C1QTNF4: variants seen among roughly 807,000 people sequenced by gnomAD.
C1QTNF4 encodes C1q and TNF related 4, also known as complement C1q tumor necrosis factor-related protein 4.
Under a neutral mutation model 14.6 loss-of-function variants are expected in C1QTNF4, and 12 were observed. That is an observed-to-expected ratio of 0.82 (90% confidence interval 0.53 to 1.33). The LOEUF is 1.33. C1QTNF4 is among the 40% of genes most tolerant of loss of function. The pLI is 0.00. For synonymous variants in C1QTNF4, 278 were observed against 246.6 expected (o/e 1.13, Z -1.19); for missense variants, 558 against 500.3 (o/e 1.12, Z -1.10).
intron 1 of C1QTNF4, among the ~76,000 whole-genome samples, chr11:47,591,845 C>G (rs571800830): frequency 1.3e-5 from 2 of 152,326 alleles, no homozygotes; most frequent in East Asian, 3.9e-4. Context: ...TCTGAGTTCC[C>G]CTCAGCTCCA....
At position 47,590,585 on chromosome 11, in the gene C1QTNF4, A is replaced by C; in HGVS notation, c.226T>G (p.Tyr76Asp). The C allele has an allele frequency of 6.2e-7, 1 of 1,604,916 alleles. No homozygotes were observed. Among genetic ancestry groups the C allele is most frequent in the Non-Finnish European group, 8.5e-7 (1 of 1,176,578 alleles). ...GQFRCRVPGA[Y>D]FFSFTAGKAP... ...TTGCCAGCCGTGAAGGAGAAGAAGTAGGCGCCGGGCACGCGGCAGCGAAAC... is the reference window on the plus strand; with the variant it reads ...TTGCCAGCCGTGAAGGAGAAGAAGTCGGCGCCGGGCACGCGGCAGCGAAAC... The change falls in exon 2 of 2, where the codon TAC (tyrosine) becomes GAC (aspartate). Residue 76 changes from tyrosine to aspartate, a missense_variant. Tyr to Asp is a radical substitution (Grantham distance 160). Coordinates refer to ENST00000302514, the MANE Select transcript of C1QTNF4 (RefSeq NM_031909.3).
intron 1 of C1QTNF4, among the ~76,000 whole-genome samples, chr11:47,592,428 A>G (rs1026691111): frequency 2.0e-5 from 3 of 152,168 alleles, no homozygotes; most frequent in African/African-American, 4.8e-5. Flanking sequence ...TGGTTTGTCA[A>G]CGGCAGTGCT....
upstream of C1QTNF4, among the ~76,000 whole-genome samples, chr11:47,595,184 C>G (rs1022886134): frequency 2.0e-5 from 3 of 152,260 alleles, no homozygotes; most frequent in African/African-American, 7.2e-5. Context: ...TAGTGCTGGC[C>G]TCTACTCTGG....
rs1233944244 is a variant in C1QTNF4 at position 47,589,961 on chromosome 11, C to T, written c.850G>A (p.Val284Ile). The change falls in exon 2 of 2, where the codon GTC (valine) becomes ATC (isoleucine). Residue 284 changes from valine to isoleucine, a missense_variant. Coordinates refer to ENST00000302514, the MANE Select transcript of C1QTNF4 (RefSeq NM_031909.3). ...TCGTGGTCGTGGCTGAGCAGCCAGA[C>T]GGCGTCGCCGCGCCGCAGGGCCAGC... ...VMLALRRGDA[V>I]WLLSHDHDGY... 4.3e-6 allele frequency: 7 copies of T among 1,610,282 alleles called. No homozygotes were observed. In the Admixed American group the frequency reaches 1.2e-4, roughly 27 times the overall value.
rs1417744019 is a variant in C1QTNF4 at position 47,589,851 on chromosome 11, C to CGGGGCGGCG, written c.951_959dup (p.Ala318_Pro320dup). On this transcript the variant is annotated inframe_insertion, in exon 2 of 2. Coordinates refer to ENST00000302514, the MANE Select transcript of C1QTNF4 (RefSeq NM_031909.3). The stretch of plus-strand genomic sequence containing the variant: ...GTAGCTCCGAGGCCCCGAGGCCCGG[C>CGGGGCGGCG]GGGGCGGCGGGGGCGAGGTCGGGGT... The CGGGGCGGCG allele has an allele frequency of 1.3e-6, 2 of 1,547,458 alleles. No homozygotes were observed. The highest frequency in any genetic ancestry group is 2.4e-5 in the South Asian group (2 of 84,030).
rs149860042 is a variant in C1QTNF4, at chr11:47,594,177, C to T, written c.-35G>A. ...CTGGGGGCGGCGGTCGAGTCGGGTTCGGTCTGAGCCCGCGATCTGGCTCCG... is the reference window on the plus strand; with the variant it reads ...CTGGGGGCGGCGGTCGAGTCGGGTTTGGTCTGAGCCCGCGATCTGGCTCCG... On this transcript the variant is annotated 5_prime_UTR_variant, in exon 1 of 2. Coordinates refer to ENST00000302514, the MANE Select transcript of C1QTNF4 (RefSeq NM_031909.3). The T allele has an allele frequency of 0.015, 2,238 of 152,236 alleles. 31 individuals carry two copies. Among genetic ancestry groups the T allele is most frequent in the South Asian group, 0.054 (263 of 4,830 alleles). The allele number at this position is 152,236 out of a possible 1,614,324, so 9.4% of individuals were successfully genotyped here. A position where few individuals can be genotyped will look rare whatever the true frequency, so the allele number is the denominator to read the frequency against.
At chr11:47,593,923 G>C (rs902842588) in intron 1 of C1QTNF4, among the ~76,000 whole-genome samples, 9 of 151,830 alleles carry the variant, frequency 5.9e-5, no homozygotes, top group African/African-American at 2.2e-4. Context: ...TTTCACAGAA[G>C]CCAATTAATC....
intron 1 of C1QTNF4, among the ~76,000 whole-genome samples, chr11:47,593,429 G>A (rs893379095): frequency 6.6e-6 from 1 of 152,102 alleles, no homozygotes; most frequent in South Asian, 2.1e-4. Flanking sequence ...TTTCCATACC[G>A]CTGCTTTCCT....
rs774019134 is a variant in C1QTNF4 at position 47,589,923 on chromosome 11, G to C, written c.888C>G (p.Ala296=). ...TGATGTACTTGCCGTGGTTGCTGTA[G>C]GCGCCGTAGCCGTCGTGGTCGTGGC... is the stretch of plus-strand genomic sequence containing the variant. The part of the protein sequence containing the change: ...LLSHDHDGYG[A]YSNHGKYITF... Residue 296 remains alanine (A), a synonymous_variant, in exon 2 of 2, where the codon GCC becomes GCG. Transcript: ENST00000302514. 99 of 1,601,600 alleles carry C rather than the reference G, an allele frequency of 6.2e-5. No individual in the cohort carries two copies. The highest frequency in any genetic ancestry group is 8.3e-5 in the Non-Finnish European group (98 of 1,174,290).
At position 47,590,153 on chromosome 11, in the gene C1QTNF4, C is replaced by A. The variant is rs757924594; in HGVS notation, c.658G>T (p.Val220Leu). 1.2e-6 allele frequency: 2 copies of A among 1,600,516 alleles called. No homozygotes were observed. Among genetic ancestry groups the A allele is most frequent in the South Asian group, 2.2e-5 (2 of 90,334 alleles). ...IGGDFDAAAG[V>L]FRCRLPGAYF... The stretch of plus-strand genomic sequence containing the variant: ...GCGCCGGGCAGACGGCAGCGGAACA[C>A]GCCGGCCGCCGCGTCGAAGTCGCCG... The change falls in exon 2 of 2, where the codon GTG (valine) becomes TTG (leucine). Residue 220 changes from valine to leucine, a missense_variant. Physicochemically the swap from Val to Leu is conservative, Grantham distance 32. Coordinates refer to ENST00000302514, the MANE Select transcript of C1QTNF4 (RefSeq NM_031909.3).
chr11:47,592,394 G>C (rs763490572), intron 1 of C1QTNF4, among the ~76,000 whole-genome samples: 13 of 152,178 alleles, frequency 8.5e-5, no homozygotes, highest in Non-Finnish European at 1.6e-4. Context: ...TTGCTGTGGG[G>C]GTGTGCTGAG....
At chr11:47,590,907 C>G in intron 1 of C1QTNF4, 92 bp from the exon 2 acceptor site, 1 of 1,425,014 alleles carries the variant, frequency 7.0e-7, no homozygotes, top group South Asian at 1.5e-5. Context: ...GTTCTCTTCC[C>G]AGCCCTGCCC....
chr11:47,592,733 G>A (rs1228013503), intron 1 of C1QTNF4, among the ~76,000 whole-genome samples: 1 of 152,208 alleles, frequency 6.6e-6, no homozygotes, highest in Admixed American at 6.5e-5. Flanking sequence ...GTAGCTCTGT[G>A]TCTCTTAGAG....
In C1QTNF4 at chr11:47,590,051, C is replaced by G. The variant is rs776436395; in HGVS notation, c.760G>C (p.Val254Leu). The change falls in exon 2 of 2, where the codon GTG (valine) becomes CTG (leucine). Residue 254 changes from valine (V) to leucine (L), a missense_variant. By Grantham distance (32) the Val-to-Leu change is conservative. Coordinates refer to ENST00000302514, the MANE Select transcript of C1QTNF4 (RefSeq NM_031909.3). ...CCGTCGTCGTAAATCATGGCCTGCACCTCGTCGCGGTTCTTCATCAGCTTA... is the reference window on the plus strand; with the variant it reads ...CCGTCGTCGTAAATCATGGCCTGCAGCTCGTCGCGGTTCTTCATCAGCTTA... The part of the protein sequence containing the change: ...SVKLMKNRDE[V>L]QAMIYDDGAS... 1 of 1,612,840 alleles carries G rather than the reference C, an allele frequency of 6.2e-7. No individual in the cohort carries two copies. The highest frequency in any genetic ancestry group is 1.7e-5 in the Admixed American group (1 of 59,968).
chr11:47,593,580 C>T (rs909869210), intron 1 of C1QTNF4, among the ~76,000 whole-genome samples: 4 of 152,120 alleles, frequency 2.6e-5, no homozygotes, highest in Non-Finnish European at 4.4e-5. Context: ...ATCCCTGGAT[C>T]CTCGTCCTTC....
intron 1 of C1QTNF4, among the ~76,000 whole-genome samples, chr11:47,592,105 C>G (rs150142619): frequency 0.011 from 1,710 of 152,310 alleles, 27 homozygotes; most frequent in Admixed American, 0.02. Flanking sequence ...AAGGTGACTC[C>G]TTTCTCTTTG....
chr11:47,590,553 C>T lies in C1QTNF4; in HGVS notation c.258G>A (p.Pro86=). The T allele has an allele frequency of 6.2e-7, 1 of 1,600,212 alleles. No individual in the cohort carries two copies. The highest frequency in any genetic ancestry group is 8.5e-7 in the Non-Finnish European group (1 of 1,174,580). Residue 86 remains proline, a synonymous_variant, in exon 2 of 2, where the codon CCG becomes CCA. Coordinates refer to ENST00000302514, the MANE Select transcript of C1QTNF4 (RefSeq NM_031909.3). ...YFFSFTAGKA[P]HKSLSVMLVR... is the part of the protein sequence containing the mutation. The stretch of plus-strand genomic sequence containing the variant: ...CCAGCATCACCGACAGGCTCTTGTG[C>T]GGGGCCTTGCCAGCCGTGAAGGAGA...
chr11:47,591,413 G>C (rs2097275590), intron 1 of C1QTNF4, among the ~76,000 whole-genome samples: 1 of 112,530 alleles, frequency 8.9e-6, no homozygotes, highest in South Asian at 3.0e-4. Flanking sequence ...TTTTTGAGAC[G>C]GAGTCTGGCT....
In C1QTNF4 at chr11:47,594,216, G is replaced by GGGCTGCGGGCTGCA. The variant is rs2097276922; in HGVS notation, c.-75_-74insTGCAGCCCGCAGCC. 1 of 152,052 alleles carries GGGCTGCGGGCTGCA rather than the reference G, an allele frequency of 6.6e-6. No homozygotes were observed. The highest frequency in any genetic ancestry group is 2.4e-5 in the African/African-American group (1 of 41,376). 9.4% of individuals were successfully genotyped at this position (152,052 alleles called of 1,614,324 possible). On this transcript the variant is annotated 5_prime_UTR_variant, in exon 1 of 2. Transcript: ENST00000302514. The stretch of plus-strand genomic sequence containing the variant: ...GATCTGGCTCCGGGCTGCGGGCTGC[G>GGGCTGCGGGCTGCA]GGCTGCAGGCTGCAGGCTGCGGGTG...
Sources: gnomAD v4.1 joint callset for allele counts (sites outside exome capture counted in the v4.1 genomes callset) on GRCh38, gnomAD v4.1.1 for gene constraint, MANE v1.5 for transcripts, NCBI Gene and HGNC (gene_info 2026-07-23, HGNC 2026-07-21) for gene names.